The following NFIA variants were observed in gnomAD, a reference collection of about 807,000 sequenced individuals.
NFIA encodes the protein nuclear factor 1 A-type.
In NFIA, 8 loss-of-function variants were observed where a neutral mutation model predicts 62.8. That is an observed-to-expected ratio of 0.13 (90% CI 0.07 to 0.23). The LOEUF is 0.23. Among genes scored for constraint, NFIA ranks in the 10% least tolerant of loss-of-function variants. NFIA has a pLI of 1.00. For synonymous variants in NFIA, 235 were observed against 238.1 expected (o/e 0.99, Z 0.12); for missense variants, 410 against 642.1 (o/e 0.64, Z 3.91).
intron 2 of NFIA, among the ~76,000 whole-genome samples, chr1:61,162,273 T>TG (rs1649267661): frequency 6.6e-6 from 1 of 152,212 alleles, no homozygotes; most frequent in South Asian, 2.1e-4. Context: ...TCTGTGTGTC[T>TG]GGGAAGGCAC....
chr1:61,333,940 C>T (rs571005147), intron 4 of NFIA, among the ~76,000 whole-genome samples: 2 of 152,304 alleles, frequency 1.3e-5, no homozygotes, highest in Admixed American at 6.5e-5. Context: ...GTGGAGGTTG[C>T]AGTGAGCTGA....
chr1:61,199,464 A>T (rs949735390), intron 2 of NFIA, among the ~76,000 whole-genome samples: 1 of 152,178 alleles, frequency 6.6e-6, no homozygotes, highest in Non-Finnish European at 1.5e-5. Flanking sequence ...TTTAGAGATG[A>T]GCATACCATG....
intron 2 of NFIA, among the ~76,000 whole-genome samples, chr1:61,226,601 A>G (rs1411555167): frequency 2.6e-5 from 4 of 152,190 alleles, no homozygotes; most frequent in Admixed American, 2.6e-4. Flanking sequence ...GTCTCCTCCC[A>G]CAAAGAAATG....
chr1:61,197,082 A>C (rs1652069168), intron 2 of NFIA, among the ~76,000 whole-genome samples: 1 of 152,140 alleles, frequency 6.6e-6, no homozygotes, highest in African/African-American at 2.4e-5. Context: ...GGCTGATGTG[A>C]TAGCAGTATT....
chr1:61,248,199 C>T (rs866467995), intron 2 of NFIA, among the ~76,000 whole-genome samples: 2 of 152,284 alleles, frequency 1.3e-5, no homozygotes, highest in Middle Eastern at 3.4e-3. Context: ...CAAACCTCTG[C>T]ATAATTAACC....
At chr1:61,382,864 C>G (rs913776673) in intron 6 of NFIA, among the ~76,000 whole-genome samples, 2 of 152,190 alleles carry the variant, frequency 1.3e-5, no homozygotes, top group Middle Eastern at 6.8e-3. Context: ...CAAGATGAAA[C>G]GATTGCATGT....
chr1:61,088,722 G>C lies in NFIA; in HGVS notation c.559+42G>C. 6.4e-7 allele frequency: 1 copy of C among 1,572,942 alleles called. No individual in the cohort carries two copies. The highest frequency in any genetic ancestry group is 8.6e-7 in the Non-Finnish European group (1 of 1,161,360). ...GAATTCCTCCCACTTTCTTGTGTGT[G>C]TTTCTTTCCTGATGGCCTCCGCGTT... On this transcript the variant is annotated intron_variant, in intron 2 of 10. Coordinates refer to ENST00000403491, the MANE Select transcript of NFIA (RefSeq NM_001134673.4). This position sits in a 1 kb window ranked among gnomAD's most constrained non-coding sequence, Gnocchi z 4.5.
intron 4 of NFIA, among the ~76,000 whole-genome samples, chr1:61,342,554 C>A (rs1036429893): frequency 2.0e-5 from 3 of 152,214 alleles, no homozygotes; most frequent in Non-Finnish European, 4.4e-5. Flanking sequence ...GCATTGCTAA[C>A]CCCTCTGTGG....
chr1:61,149,931 GATC>G (rs1648283090), intron 2 of NFIA, among the ~76,000 whole-genome samples: 1 of 152,196 alleles, frequency 6.6e-6, no homozygotes, highest in Non-Finnish European at 1.5e-5. Context: ...TAACCACCAA[GATC>G]AGGGCAGAAC....
chr1:61,313,618 C>T (rs1335099939), intron 3 of NFIA, among the ~76,000 whole-genome samples: 1 of 152,172 alleles, frequency 6.6e-6, no homozygotes, highest in Non-Finnish European at 1.5e-5. Context: ...AACATCCACA[C>T]TCTATCAGAC....
At chr1:61,289,782 G>C (rs1014388332) in intron 3 of NFIA, among the ~76,000 whole-genome samples, 1 of 151,976 alleles carries the variant, frequency 6.6e-6, no homozygotes, top group African/African-American at 2.4e-5. Context: ...CATCTTCCCA[G>C]GTATCTGCCT....
At chr1:61,264,799 T>G (rs1417955700) in intron 2 of NFIA, among the ~76,000 whole-genome samples, 2 of 152,114 alleles carry the variant, frequency 1.3e-5, no homozygotes, top group African/African-American at 4.8e-5. Flanking sequence ...ACTGAGTTAC[T>G]GAAATGGAAA....
chr1:61,090,129 TA>T (rs1440148966), intron 2 of NFIA, among the ~76,000 whole-genome samples: 2 of 152,222 alleles, frequency 1.3e-5, no homozygotes, highest in Non-Finnish European at 2.9e-5. Flanking sequence ...AACCCACTCT[TA>T]ACCCTGTTGT....
At chr1:61,174,316 C>T (rs1228704883) in intron 2 of NFIA, among the ~76,000 whole-genome samples, 2 of 152,188 alleles carry the variant, frequency 1.3e-5, no homozygotes, top group African/African-American at 4.8e-5. Context: ...AGGCTTTTCC[C>T]AGGCAGTGTT....
intron 3 of NFIA, among the ~76,000 whole-genome samples, chr1:61,326,415 A>G (rs1205289222): frequency 2.0e-5 from 3 of 152,154 alleles, no homozygotes; most frequent in Non-Finnish European, 4.4e-5. Context: ...GTTAAACTAT[A>G]TTGCTGGAAA....
At chr1:61,217,884 A>G (rs9970076) in intron 2 of NFIA, among the ~76,000 whole-genome samples, 14,190 of 152,144 alleles carry the variant, frequency 0.093, 825 homozygotes, top group African/African-American at 0.16. Flanking sequence ...ACTAACCTCA[A>G]TTTCTTCAGC....
rs1668447700 is a variant in NFIA, at chr1:61,459,519, C to G, written c.*4199C>G. On this transcript the variant is annotated 3_prime_UTR_variant, in exon 11 of 11. Coordinates refer to ENST00000403491, the MANE Select transcript of NFIA (RefSeq NM_001134673.4). ...CCCTGGCATGACAGTTACGTGTGGT[C>G]AGCCCGCTCCCCAGGCCCGTCCCTG... 6.6e-6 allele frequency: 1 copy of G among 152,312 alleles called. No homozygotes were observed. Among genetic ancestry groups the G allele is most frequent in the South Asian group, 2.1e-4 (1 of 4,824 alleles). The allele number at this position is 152,312 out of a possible 1,614,324, so 9.4% of individuals were successfully genotyped here. A position where few individuals can be genotyped will look rare whatever the true frequency, so the allele number is the denominator to read the frequency against.
chr1:61,306,061 A>G (rs766827264), intron 3 of NFIA, among the ~76,000 whole-genome samples: 16 of 151,434 alleles, frequency 1.1e-4, no homozygotes, highest in South Asian at 4.2e-4. Context: ...CGTGTTAGCC[A>G]GGATGGTCTC....
At chr1:61,435,817 G>A (rs1667301711) in intron 10 of NFIA, among the ~76,000 whole-genome samples, 1 of 152,142 alleles carries the variant, frequency 6.6e-6, no homozygotes, top group South Asian at 2.1e-4. Flanking sequence ...ACTGTTAATA[G>A]GATCTGCCAT....
Sources: gnomAD v4.1 joint callset for allele counts (sites outside exome capture counted in the v4.1 genomes callset) on GRCh38, gnomAD v4.1.1 for gene constraint, Gnocchi (gnomAD v3.1) non-coding constraint, MANE v1.5 for transcripts, NCBI Gene and HGNC (gene_info 2026-07-23, HGNC 2026-07-21) for gene names.